B3GALT1: variants seen among roughly 807,000 people sequenced by gnomAD.
B3GALT1 encodes the protein beta-1,3-galactosyltransferase 1.
B3GALT1 carries 10 observed loss-of-function variants against 23.2 expected under a neutral mutation model. The observed-to-expected ratio is 0.43, with a 90% CI of 0.27 to 0.73. The LOEUF (loss-of-function observed/expected upper bound fraction) is 0.73. Ranked by LOEUF, B3GALT1 falls within the 30% of genes least tolerant of loss-of-function variation. The pLI is 0.21. For synonymous variants in B3GALT1, 156 were observed against 141.5 expected (o/e 1.10, Z -0.73); for missense variants, 299 against 405.4 (o/e 0.74, Z 2.25).
chr2:167,321,009 G>C (rs1309000473), intron 1 of B3GALT1, among the ~76,000 whole-genome samples: 1 of 151,834 alleles, frequency 6.6e-6, no homozygotes, highest in South Asian at 2.1e-4. Flanking sequence ...TCATTCAGAA[G>C]ACTTTAAAAG....
rs768456717 is a variant in B3GALT1, at chr2:167,474,207, TTGAC to T, written c.-510-15964_-510-15961del. On this transcript the variant is annotated intron_variant, in intron 1 of 4. Transcript: ENST00000392690. ...AATGGTTCATAATTTTAACAGCTGT[TTGAC>T]TGACTCTTAGCATAAATTGCCACAC... Among the ~76,000 whole-genome samples, 30 of 152,314 alleles carry T rather than the reference TTGAC, an allele frequency of 2.0e-4. 1 individual carries two copies. The East Asian group carries it at 2.3e-3, about 12-fold the overall frequency.
chr2:167,409,755 G>T (rs866353301), intron 1 of B3GALT1, among the ~76,000 whole-genome samples: 2 of 151,716 alleles, frequency 1.3e-5, no homozygotes, highest in East Asian at 3.9e-4. Context: ...TTAGAATGGC[G>T]ATCATTAAAA....
chr2:167,418,111 C>T (rs756167469), intron 1 of B3GALT1, among the ~76,000 whole-genome samples: 10 of 152,114 alleles, frequency 6.6e-5, no homozygotes, highest in Non-Finnish European at 1.3e-4. Flanking sequence ...ACTTCATGGC[C>T]ATGTTATGCT....
chr2:167,778,043 T>C (rs1688191191), intron 3 of B3GALT1, among the ~76,000 whole-genome samples: 1 of 152,062 alleles, frequency 6.6e-6, no homozygotes, highest in African/African-American at 2.4e-5. Context: ...AGTTCTAAGC[T>C]TGAAAAACAC....
intron 1 of B3GALT1, among the ~76,000 whole-genome samples, chr2:167,346,451 T>G (rs1295826902): frequency 6.6e-6 from 1 of 152,188 alleles, no homozygotes; most frequent in Non-Finnish European, 1.5e-5. Context: ...TAATACCAAC[T>G]TGCAGAGCCA....
chr2:167,660,581 G>T (rs759009683), intron 3 of B3GALT1, among the ~76,000 whole-genome samples: 15 of 152,136 alleles, frequency 9.9e-5, no homozygotes, highest in Non-Finnish European at 1.8e-4. Context: ...TGAATGGACT[G>T]TGTGAATTAG....
chr2:167,810,591 T>C (rs55759826), intron 3 of B3GALT1, among the ~76,000 whole-genome samples: 5,123 of 151,002 alleles, frequency 0.034, 265 homozygotes, highest in South Asian at 0.069. Flanking sequence ...TATAAATTTT[T>C]ACTCCAACAT....
At chr2:167,570,522 C>T (rs916102545) in intron 2 of B3GALT1, among the ~76,000 whole-genome samples, 3 of 151,660 alleles carry the variant, frequency 2.0e-5, no homozygotes, top group South Asian at 2.1e-4. Context: ...TGCTTCTAAG[C>T]GATTGTAGTG....
chr2:167,656,354 A>G (rs2105468565), intron 3 of B3GALT1, among the ~76,000 whole-genome samples: 1 of 152,290 alleles, frequency 6.6e-6, no homozygotes, highest in Admixed American at 6.5e-5. Context: ...ACAAAGAGCA[A>G]AAACAAGCAA....
intron 1 of B3GALT1, among the ~76,000 whole-genome samples, chr2:167,359,938 A>C (rs924999841): frequency 2.0e-5 from 3 of 152,172 alleles, no homozygotes; most frequent in East Asian, 1.9e-4. Flanking sequence ...ATAACAATCA[A>C]GTACTGTGAT....
chr2:167,347,714 C>T (rs965792688), intron 1 of B3GALT1, among the ~76,000 whole-genome samples: 3 of 104,570 alleles, frequency 2.9e-5, no homozygotes, highest in African/African-American at 1.1e-4. Flanking sequence ...ACAGAATCTG[C>T]AATTCTATCA....
chr2:167,352,266 CTGTTTTTTTTTT>C (rs1442074491), intron 1 of B3GALT1, among the ~76,000 whole-genome samples: 2 of 47,870 alleles, frequency 4.2e-5, no homozygotes, highest in African/African-American at 5.3e-5. Flanking sequence ...CATGCCTGGC[CTGTTTTTTTTTT>C]TGTTTTTTTT....
At chr2:167,402,244 G>A (rs1698203571) in intron 1 of B3GALT1, among the ~76,000 whole-genome samples, 1 of 152,022 alleles carries the variant, frequency 6.6e-6, no homozygotes, top group Admixed American at 6.6e-5. Context: ...ATAGTGGAAA[G>A]TCATCAACTT....
At chr2:167,802,229 C>A (rs1688652296) in intron 3 of B3GALT1, among the ~76,000 whole-genome samples, 2 of 152,172 alleles carry the variant, frequency 1.3e-5, no homozygotes, top group Non-Finnish European at 2.9e-5. Flanking sequence ...ACGGACTTAG[C>A]ATGTGGTGAA....
intron 1 of B3GALT1, among the ~76,000 whole-genome samples, chr2:167,415,681 A>T (rs140036846): frequency 6.9e-4 from 105 of 152,276 alleles, no homozygotes; most frequent in African/African-American, 2.5e-3. Flanking sequence ...ACTAGTTGTG[A>T]CCAGAATACT....
chr2:167,318,632 G>A (rs1049344233), intron 1 of B3GALT1, among the ~76,000 whole-genome samples: 3 of 151,998 alleles, frequency 2.0e-5, no homozygotes, highest in South Asian at 4.2e-4. Context: ...AATTATTTAA[G>A]CTTAACATTT....
chr2:167,711,766 A>T (rs990804577), intron 3 of B3GALT1, among the ~76,000 whole-genome samples: 3 of 152,136 alleles, frequency 2.0e-5, no homozygotes, highest in Admixed American at 6.5e-5. Context: ...GGAATTTGAG[A>T]CCAGCCTGGG....
At chr2:167,704,183 CAA>C (rs5836157) in intron 3 of B3GALT1, among the ~76,000 whole-genome samples, 2 of 112,922 alleles carry the variant, frequency 1.8e-5, no homozygotes, top group Admixed American at 1.1e-4. Flanking sequence ...TCAGTCTCAA[CAA>C]AAAAAAAAAA....
At chr2:167,525,145 C>T (rs1405125801) in intron 2 of B3GALT1, among the ~76,000 whole-genome samples, 3 of 152,060 alleles carry the variant, frequency 2.0e-5, no homozygotes, top group East Asian at 3.8e-4. Context: ...CAATTGATGC[C>T]GATTATACAT....
Sources: gnomAD v4.1 joint callset for allele counts (sites outside exome capture counted in the v4.1 genomes callset) on GRCh38, gnomAD v4.1.1 for gene constraint, MANE v1.5 for transcripts, NCBI Gene and HGNC (gene_info 2026-07-23, HGNC 2026-07-21) for gene names.